ARHGEF28: variants seen among roughly 807,000 people sequenced by gnomAD.
The protein encoded by ARHGEF28 is Rho guanine nucleotide exchange factor 28.
In ARHGEF28, 152 loss-of-function variants were observed where a neutral mutation model predicts 206.6. That is an observed-to-expected ratio of 0.74 (90% CI 0.64 to 0.84). ARHGEF28 has a LOEUF of 0.84. ARHGEF28 is among the 40% of genes least tolerant of loss of function. ARHGEF28 has a pLI of 0.00. For missense variants in ARHGEF28, 2,028 were observed against 2,073.2 expected (o/e 0.98, Z 0.42); for synonymous variants, 763 against 776.4 (o/e 0.98, Z 0.29).
chr5:73,804,173 A>C (rs959715223), intron 9 of ARHGEF28, among the ~76,000 whole-genome samples: 6 of 151,762 alleles, frequency 4.0e-5, no homozygotes, highest in Non-Finnish European at 8.8e-5. Flanking sequence ...AGGTTCATCC[A>C]GGTTCTTGAG....
intron 5 of ARHGEF28, among the ~76,000 whole-genome samples, chr5:73,776,262 A>T (rs1299216263): frequency 1.3e-5 from 2 of 152,340 alleles, no homozygotes; most frequent in East Asian, 3.9e-4. Flanking sequence ...GTACTGTTTC[A>T]TTCTTTATGT....
chr5:73,869,857 G>A (rs549026259), intron 20 of ARHGEF28, among the ~76,000 whole-genome samples: 2 of 152,056 alleles, frequency 1.3e-5, no homozygotes, highest in African/African-American at 4.8e-5. Flanking sequence ...GCAGTGAGAC[G>A]AGATCGCGCC....
chr5:73,659,004 C>CACACAA (rs1282514236), intron 1 of ARHGEF28, among the ~76,000 whole-genome samples: 5 of 150,182 alleles, frequency 3.3e-5, no homozygotes, highest in Admixed American at 2.0e-4. Context: ...CACACACACA[C>CACACAA]ACCACACTCA....
At position 73,879,070 on chromosome 5, in the gene ARHGEF28, C is replaced by T. The variant is rs1349984295; in HGVS notation, c.2815-3402C>T. ...GTCACTTTCAGGTACACCAAGCAGA[C>T]GCAGATTTGGTCTTTTCACATAGTC... On this transcript the variant is annotated intron_variant, in intron 22 of 35. Coordinates refer to ENST00000513042, the MANE Select transcript of ARHGEF28 (RefSeq NM_001177693.2). Among the ~76,000 whole-genome samples, 26 of 152,270 alleles carry T rather than the reference C, an allele frequency of 1.7e-4. 1 individual carries two copies. In the South Asian group the frequency reaches 2.9e-3, roughly 17 times the overall value.
chr5:73,645,859 T>TC (rs771054984), intron 1 of ARHGEF28, among the ~76,000 whole-genome samples: 136 of 151,996 alleles, frequency 8.9e-4, no homozygotes, highest in Non-Finnish European at 1.7e-3. Context: ...TCCTTTCCTT[T>TC]CCCCCCTCCT....
chr5:73,838,529 A>C (rs1358008634), intron 10 of ARHGEF28, among the ~76,000 whole-genome samples: 1 of 152,178 alleles, frequency 6.6e-6, no homozygotes, highest in African/African-American at 2.4e-5. Context: ...ACTTAGAAAA[A>C]CACATTTGTT....
intron 35 of ARHGEF28, among the ~76,000 whole-genome samples, chr5:73,922,812 C>T (rs1287441708): frequency 6.6e-6 from 1 of 152,124 alleles, no homozygotes; most frequent in Non-Finnish European, 1.5e-5. Context: ...ACTTCTAGTT[C>T]ATGATGGATT....
intron 2 of ARHGEF28, among the ~76,000 whole-genome samples, chr5:73,703,688 T>C (rs955093146): frequency 6.7e-6 from 1 of 150,170 alleles, no homozygotes; most frequent in Admixed American, 6.7e-5. Flanking sequence ...GAGTTTTGTC[T>C]ATCTTCGTAT....
chr5:73,852,796 CA>C (rs1179706211), intron 14 of ARHGEF28, 104 bp downstream of exon 14: 11 of 1,237,672 alleles, frequency 8.9e-6, no homozygotes, highest in Admixed American at 1.7e-5. Context: ...GAGAGGTTTC[CA>C]TGTAACAAGC....
chr5:73,639,958 G>C (rs1038343155), intron 1 of ARHGEF28, among the ~76,000 whole-genome samples: 1 of 152,218 alleles, frequency 6.6e-6, no homozygotes, highest in Non-Finnish European at 1.5e-5. Context: ...ACTGTAGTAA[G>C]TGTTGCTTTT....
intron 2 of ARHGEF28, among the ~76,000 whole-genome samples, chr5:73,717,281 C>T (rs1324628972): frequency 6.6e-6 from 1 of 152,034 alleles, no homozygotes; most frequent in Non-Finnish European, 1.5e-5. Flanking sequence ...GGCCTATTTG[C>T]CCCCTCTTCC....
chr5:73,726,233 C>T (rs1479368303), intron 2 of ARHGEF28, among the ~76,000 whole-genome samples: 1 of 152,122 alleles, frequency 6.6e-6, no homozygotes, highest in Admixed American at 6.5e-5. Flanking sequence ...GTTCAGTCTT[C>T]AAAATGACAA....
intron 7 of ARHGEF28, chr5:73,786,374 A>G (rs1249903871): frequency 6.6e-6 from 1 of 152,170 alleles, no homozygotes; most frequent in African/African-American, 2.4e-5. Flanking sequence ...CCACTCCCTT[A>G]CCGACCACAC....
chr5:73,794,902 C>T (rs543832717), intron 8 of ARHGEF28, among the ~76,000 whole-genome samples: 1 of 152,342 alleles, frequency 6.6e-6, no homozygotes, highest in South Asian at 2.1e-4. Flanking sequence ...CCACCGTGCC[C>T]AGCCCCATTT....
At chr5:73,762,185 G>C (rs1035002095) in intron 4 of ARHGEF28, among the ~76,000 whole-genome samples, 1 of 151,816 alleles carries the variant, frequency 6.6e-6, no homozygotes, top group African/African-American at 2.4e-5. Context: ...GCTGAGTGTG[G>C]TGGCTCACAC....
intron 1 of ARHGEF28, among the ~76,000 whole-genome samples, chr5:73,633,508 G>A (rs1743502546): frequency 6.6e-6 from 1 of 150,638 alleles, no homozygotes; most frequent in Admixed American, 6.6e-5. Flanking sequence ...CAATAAGATA[G>A]TCTATATAAA....
chr5:73,715,938 T>TA (rs773716520), intron 2 of ARHGEF28, among the ~76,000 whole-genome samples: 1 of 152,234 alleles, frequency 6.6e-6, no homozygotes, highest in Non-Finnish European at 1.5e-5. Context: ...TTCACGCACT[T>TA]ACACGGGTAT....
At position 73,873,093 on chromosome 5, in the gene ARHGEF28, C is replaced by T; in HGVS notation, c.2661C>T (p.His887=). ...TGAAAGAGGAGCTGCAGCTGGACCA[C>T]AGCACCGTGGATAAAATTTTCCCCT... ...KGMKEELQLD[H]STVDKIFPCL... Residue 887 remains histidine, a synonymous_variant, in exon 22 of 36, where the codon CAC becomes CAT. Coordinates refer to ENST00000513042, the MANE Select transcript of ARHGEF28 (RefSeq NM_001177693.2). 6.2e-7 allele frequency: 1 copy of T among 1,613,430 alleles called. No individual in the cohort carries two copies. Among genetic ancestry groups the T allele is most frequent in the South Asian group, 1.1e-5 (1 of 90,946 alleles).
At chr5:73,628,071 T>C (rs899254782) in intron 1 of ARHGEF28, among the ~76,000 whole-genome samples, 3 of 152,076 alleles carry the variant, frequency 2.0e-5, no homozygotes, top group African/African-American at 7.3e-5. Flanking sequence ...CTCAGAAGCC[T>C]CACTTGGGTG....
Sources: gnomAD v4.1 joint callset for allele counts (sites outside exome capture counted in the v4.1 genomes callset) on GRCh38, gnomAD v4.1.1 for gene constraint, MANE v1.5 for transcripts, NCBI Gene and HGNC (gene_info 2026-07-23, HGNC 2026-07-21) for gene names.